Variants in COL23A1 observed in about 807,000 individuals in gnomAD.
COL23A1 encodes the protein collagen alpha-1(XXIII) chain.
A neutral mutation model predicts 99.3 loss-of-function variants in COL23A1; 97 were observed. The observed-to-expected ratio is 0.98, with a 90% CI of 0.83 to 1.16. The LOEUF is 1.16. Among genes scored for constraint, COL23A1 ranks in the 50% most tolerant of loss-of-function variants. The pLI is 0.00. For missense variants in COL23A1, 762 were observed against 757.4 expected, an observed-to-expected ratio of 1.01 and a Z score of -0.07; for synonymous variants, 320 against 308.2, an observed-to-expected ratio of 1.04 and a Z score of -0.40.
intron 2 of COL23A1, among the ~76,000 whole-genome samples, chr5:178,470,778 A>G (rs2672833): frequency 0.93 from 141,980 of 152,236 alleles, 66,315 homozygotes; most frequent in East Asian, 1. Flanking sequence ...CACTGGACCC[A>G]GATACCTCCT....
intron 4 of COL23A1, among the ~76,000 whole-genome samples, chr5:178,289,779 C>T (rs890326076): frequency 6.6e-6 from 1 of 152,200 alleles, no homozygotes; most frequent in Non-Finnish European, 1.5e-5. Context: ...AACAACCAGG[C>T]TTGTGCGCTG....
intron 2 of COL23A1, among the ~76,000 whole-genome samples, chr5:178,359,731 T>C (rs1002964210): frequency 6.6e-6 from 1 of 152,218 alleles, no homozygotes; most frequent in Non-Finnish European, 1.5e-5. Context: ...GCTCAGATCT[T>C]GTGTGCAAAG....
Position 178,365,144 on chromosome 5 carries a change from T to C in COL23A1, c.362-58225A>G, listed in dbSNP as rs897928615. Among the ~76,000 whole-genome samples the C allele has an allele frequency of 2.9e-3, 428 of 147,708 alleles. 3 individuals are homozygous for C. The highest frequency in any genetic ancestry group is 0.011 in the African/African-American group (404 of 37,974). ...TGATGTTGCTGTGTGTGCGTGTGTG[T>C]GTGTGTGTGTGTGTGTGTGTGTGTG... is the stretch of plus-strand genomic sequence containing the variant. On this transcript the variant is annotated intron_variant, in intron 2 of 28. Transcript: ENST00000390654. This position sits in a 1 kb window ranked among gnomAD's most constrained non-coding sequence, Gnocchi z 5.2.
At chr5:178,571,143 C>A (rs1304046151) in intron 1 of COL23A1, among the ~76,000 whole-genome samples, 1 of 152,158 alleles carries the variant, frequency 6.6e-6, no homozygotes, top group East Asian at 1.9e-4. Flanking sequence ...AGGAGGATCA[C>A]CTGAGATCAG....
rs897594929 is a variant in COL23A1 at position 178,434,925 on chromosome 5, G to A, written c.361+125757C>T. Among the ~76,000 whole-genome samples, 3 of 152,298 alleles carry A rather than the reference G, an allele frequency of 2.0e-5. No individual in the cohort carries two copies. Among genetic ancestry groups the A allele is most frequent in the South Asian group, 2.1e-4 (1 of 4,822 alleles). On this transcript the variant is annotated intron_variant, in intron 2 of 28. Coordinates refer to ENST00000390654, the MANE Select transcript of COL23A1 (RefSeq NM_173465.4). The surrounding 1 kb of genome is among the most constrained non-coding windows in gnomAD (Gnocchi z 4.3). ...AGCCCTTGCAGGGCAGCCCAGCCCC[G>A]ACCCTGCCGCCGGTCAAGACTGTGT...
chr5:178,250,940 C>A (rs545888622), intron 17 of COL23A1, among the ~76,000 whole-genome samples: 1 of 144,492 alleles, frequency 6.9e-6, no homozygotes, highest in South Asian at 2.2e-4. Context: ...GATGGTGCCA[C>A]TGCACTCCAG....
At chr5:178,349,043 C>A (rs1283221552) in intron 2 of COL23A1, among the ~76,000 whole-genome samples, 1 of 152,110 alleles carries the variant, frequency 6.6e-6, no homozygotes, top group Non-Finnish European at 1.5e-5. Context: ...TGTCTTCCTG[C>A]GTCTTGCCGG....
At chr5:178,347,897 A>C (rs999454644) in intron 2 of COL23A1, among the ~76,000 whole-genome samples, 1 of 43,026 alleles carries the variant, frequency 2.3e-5, no homozygotes, top group Admixed American at 2.7e-4. Flanking sequence ...AAAAAAAAAA[A>C]CCCAAAAAAA....
Position 178,306,901 on chromosome 5 carries a change from C to A in COL23A1, c.380G>T (p.Gly127Val). Reference protein sequence around the residue: ...VCPPGPPGRRGKPGRRGDPGP... With the variant: ...VCPPGPPGRRVKPGRRGDPGP... ...AGGGTCGCCTCTTCTCCCAGGCTTG[C>A]CGCGCCGTCCAGGGGGCCCTAGACA... The change falls in exon 3 of 29, where the codon GGC becomes GTC. Residue 127 changes from glycine to valine, a missense_variant. By Grantham distance (109) the Gly-to-Val change is moderately radical. Coordinates refer to ENST00000390654, the MANE Select transcript of COL23A1 (RefSeq NM_173465.4). This position sits in a 1 kb window ranked among gnomAD's most constrained non-coding sequence, Gnocchi z 4.1. The A allele has an allele frequency of 6.5e-7, 1 of 1,546,630 alleles. No individual in the cohort carries two copies.
At chr5:178,421,511 T>C (rs764183827) in intron 2 of COL23A1, among the ~76,000 whole-genome samples, 7 of 152,206 alleles carry the variant, frequency 4.6e-5, no homozygotes, top group Non-Finnish European at 1.0e-4. Context: ...TCTCCTCTCA[T>C]GCAGATGTTT....
chr5:178,400,145 T>C (rs1206044199), intron 2 of COL23A1, among the ~76,000 whole-genome samples: 1 of 151,956 alleles, frequency 6.6e-6, no homozygotes. Context: ...GGCGGGTGGA[T>C]CATGAGGTCA....
At chr5:178,529,731 C>T (rs1247441016) in intron 2 of COL23A1, among the ~76,000 whole-genome samples, 2 of 152,094 alleles carry the variant, frequency 1.3e-5, no homozygotes, top group East Asian at 1.9e-4. Context: ...CCTCTGTCTC[C>T]CCAGCGAAAC....
At chr5:178,502,170 C>T (rs112214773) in intron 2 of COL23A1, among the ~76,000 whole-genome samples, 22 of 152,290 alleles carry the variant, frequency 1.4e-4, no homozygotes, top group Non-Finnish European at 2.9e-4. Context: ...CTCGCTCTGT[C>T]GCCCAGGCTG....
At chr5:178,452,511 T>C (rs778906884) in intron 2 of COL23A1, among the ~76,000 whole-genome samples, 1 of 152,192 alleles carries the variant, frequency 6.6e-6, no homozygotes, top group Non-Finnish European at 1.5e-5. Flanking sequence ...ATTAAGAACA[T>C]GTGTATCTCT....
At chr5:178,289,731 A>T (rs565922152) in intron 4 of COL23A1, among the ~76,000 whole-genome samples, 1 of 152,186 alleles carries the variant, frequency 6.6e-6, no homozygotes, top group Non-Finnish European at 1.5e-5. Context: ...TGGTGCTAGC[A>T]TTTCCGTGTA....
intron 2 of COL23A1, among the ~76,000 whole-genome samples, chr5:178,455,014 C>G (rs763631926): frequency 2.6e-5 from 4 of 152,258 alleles, no homozygotes; most frequent in Non-Finnish European, 4.4e-5. Context: ...GGCCGCTCCT[C>G]TCTGCTTCTC....
Position 178,468,471 on chromosome 5 carries a change from C to T in COL23A1, c.361+92211G>A, listed in dbSNP as rs1186502055. Among the ~76,000 whole-genome samples, 1 of 152,184 alleles carries T rather than the reference C, an allele frequency of 6.6e-6. No homozygotes were observed. Among genetic ancestry groups the T allele is most frequent in the African/African-American group, 2.4e-5 (1 of 41,426 alleles). On this transcript the variant is annotated intron_variant, in intron 2 of 28. Coordinates refer to ENST00000390654, the MANE Select transcript of COL23A1 (RefSeq NM_173465.4). This position sits in a 1 kb window ranked among gnomAD's most constrained non-coding sequence, Gnocchi z 4.2. ...CCGTCTCCTGTGGGCTAGACACTGC[C>T]TGCAGGGCACGAGATGATTATTTCG... is the stretch of plus-strand genomic sequence containing the variant.
At chr5:178,490,656 A>C (rs1581492555) in intron 2 of COL23A1, among the ~76,000 whole-genome samples, 1 of 152,294 alleles carries the variant, frequency 6.6e-6, no homozygotes, top group East Asian at 1.9e-4. Context: ...GTGCACCTGA[A>C]GTCCCAGCTA....
intron 2 of COL23A1, among the ~76,000 whole-genome samples, chr5:178,375,281 G>C (rs919532550): frequency 1.3e-5 from 2 of 152,132 alleles, no homozygotes; most frequent in Admixed American, 6.5e-5. Flanking sequence ...GGGAGGTGGG[G>C]GATAATAGCT....
Sources: gnomAD v4.1 joint callset for allele counts (sites outside exome capture counted in the v4.1 genomes callset) on GRCh38, gnomAD v4.1.1 for gene constraint, Gnocchi (gnomAD v3.1) non-coding constraint, MANE v1.5 for transcripts, NCBI Gene and HGNC (gene_info 2026-07-23, HGNC 2026-07-21) for gene names.